Variants in AKAP13 observed in about 807,000 individuals in gnomAD.
AKAP13 encodes A-kinase anchoring protein 13.
Under a neutral mutation model 264.5 loss-of-function variants are expected in AKAP13, and 80 were observed. The ratio of observed to expected loss-of-function variants is 0.30; its 90% CI spans 0.25 to 0.36. The LOEUF is 0.36. Among genes scored for constraint, AKAP13 ranks in the 10% least tolerant of loss-of-function variants. The pLI is 1.00. For missense variants in AKAP13, 3,712 were observed against 3,435.2 expected (o/e 1.08, Z -2.01); for synonymous variants, 1,380 against 1,250.2 (o/e 1.10, Z -2.19).
At position 85,741,035 on chromosome 15, in the gene AKAP13, G is replaced by A. The variant is rs777579969; in HGVS notation, c.7609-11G>A. The A allele has an allele frequency of 6.3e-7, 1 of 1,595,546 alleles. No homozygotes were observed. The highest frequency in any genetic ancestry group is 8.6e-7 in the Non-Finnish European group (1 of 1,169,502). ...CCAGAGTTGCAGGGCTCCCCTCTGT[G>A]TGCCTCCCAGGGTGTGGTGCTGCAG... On this transcript the variant is annotated splice_polypyrimidine_tract_variant and intron_variant, in intron 34 of 36. Transcript: ENST00000394518.
chr15:85,648,725 G>T (rs1326793883), intron 10 of AKAP13, among the ~76,000 whole-genome samples: 1 of 152,106 alleles, frequency 6.6e-6, no homozygotes, highest in East Asian at 1.9e-4. Flanking sequence ...TGTGGTCCCA[G>T]CTATTCAGGA....
intron 5 of AKAP13, among the ~76,000 whole-genome samples, chr15:85,553,148 G>A (rs4843068): frequency 0.34 from 49,442 of 146,140 alleles, 8,471 homozygotes; most frequent in South Asian, 0.42. Context: ...GTGCAATGGC[G>A]CGATCTCAGC....
Position 85,607,911 on chromosome 15 carries a change from C to G in AKAP13, c.4161+22088C>G, listed in dbSNP as rs150021689. Among the ~76,000 whole-genome samples, 15 of 152,300 alleles carry G rather than the reference C, an allele frequency of 9.8e-5. No individual in the cohort carries two copies. In the East Asian group the frequency reaches 2.7e-3, roughly 27 times the overall value. Reference sequence around the variant, plus strand: ...AATATGAGTGAATGCCAAAATTAACCTGGCAGTAGTGTTGACAAATAGGCT... The same window carrying G: ...AATATGAGTGAATGCCAAAATTAACGTGGCAGTAGTGTTGACAAATAGGCT... On this transcript the variant is annotated intron_variant, in intron 8 of 36. Transcript: ENST00000394518.
intron 4 of AKAP13, 25 bp from the exon 5 acceptor site, chr15:85,543,747 C>A (rs553810742): frequency 2.5e-6 from 4 of 1,574,196 alleles, no homozygotes; most frequent in Non-Finnish European, 3.5e-6. Flanking sequence ...TCCTCACTTA[C>A]GTTCATTTTC....
At position 85,581,462 on chromosome 15, in the gene AKAP13, T is replaced by A; in HGVS notation, c.3394T>A (p.Leu1132Met). Residue 1132 changes from leucine (L) to methionine (M), a missense_variant, in exon 7 of 37, where the codon TTG becomes ATG. Transcript: ENST00000394518. ...CCAAGAGAAGAATGCCGTTCTAGGTTTGCCAGTGGCTCTACAGGACAAAGC... is the reference window on the plus strand; with the variant it reads ...CCAAGAGAAGAATGCCGTTCTAGGTATGCCAGTGGCTCTACAGGACAAAGC... ...LSQEKNAVLG[L>M]PVALQDKAVT... The A allele has an allele frequency of 6.2e-7, 1 of 1,614,166 alleles. No individual in the cohort carries two copies.
At chr15:85,620,647 AAGGAT>A (rs1235977486) in intron 8 of AKAP13, among the ~76,000 whole-genome samples, 3 of 152,010 alleles carry the variant, frequency 2.0e-5, no homozygotes, top group Admixed American at 6.6e-5. Context: ...TCTTTAGGGG[AAGGAT>A]AGGCAACATT....
chr15:85,636,860 CT>C (rs1368338656), intron 8 of AKAP13, among the ~76,000 whole-genome samples: 1 of 152,200 alleles, frequency 6.6e-6, no homozygotes, highest in African/African-American at 2.4e-5. Context: ...AGTGATCTGC[CT>C]GCCTTGGCTT....
intron 8 of AKAP13, among the ~76,000 whole-genome samples, chr15:85,610,952 C>T (rs962895313): frequency 1.3e-4 from 20 of 152,350 alleles, no homozygotes; most frequent in Non-Finnish European, 2.4e-4. Flanking sequence ...GCGCTCCAGC[C>T]TGGGCAACAA....
intron 1 of AKAP13, among the ~76,000 whole-genome samples, chr15:85,443,993 C>T (rs2073810361): frequency 6.6e-6 from 1 of 152,094 alleles, no homozygotes; most frequent in South Asian, 2.1e-4. Flanking sequence ...TATGTTTGTA[C>T]AGGAATTCAG....
intron 1 of AKAP13, among the ~76,000 whole-genome samples, chr15:85,454,989 T>C (rs148516508): frequency 5.6e-4 from 85 of 152,320 alleles, no homozygotes; most frequent in Non-Finnish European, 1.1e-3. Context: ...ATAGATTTCT[T>C]GTCTTCTGTG....
intron 2 of AKAP13, among the ~76,000 whole-genome samples, chr15:85,502,994 G>A (rs1332652660): frequency 1.3e-5 from 2 of 152,182 alleles, no homozygotes; most frequent in Admixed American, 6.5e-5. Flanking sequence ...TAGAGACATG[G>A]AGATTATGAA....
intron 1 of AKAP13, among the ~76,000 whole-genome samples, chr15:85,431,803 TA>T (rs1423439374): frequency 6.6e-6 from 1 of 152,192 alleles, no homozygotes; most frequent in African/African-American, 2.4e-5. Flanking sequence ...AATTAGATGG[TA>T]AAAAAATGAT....
chr15:85,420,665 G>A (rs1043838007), intron 1 of AKAP13, among the ~76,000 whole-genome samples: 3 of 152,100 alleles, frequency 2.0e-5, no homozygotes, highest in Non-Finnish European at 2.9e-5. Context: ...GACCATTTTC[G>A]AAGGAGGTCA....
chr15:85,613,700 A>C (rs1453731007), intron 8 of AKAP13, among the ~76,000 whole-genome samples: 1 of 121,362 alleles, frequency 8.2e-6, no homozygotes, highest in African/African-American at 3.0e-5. Context: ...AAATATATAT[A>C]TATATATATA....
intron 17 of AKAP13, among the ~76,000 whole-genome samples, chr15:85,698,402 T>C (rs1597098874): frequency 6.9e-6 from 1 of 144,504 alleles, no homozygotes; most frequent in Admixed American, 7.0e-5. Flanking sequence ...GAGACAGAGG[T>C]TGCAGTGAGC....
chr15:85,627,711 A>T (rs1175415980), intron 8 of AKAP13: 1 of 152,194 alleles, frequency 6.6e-6, no homozygotes, highest in Non-Finnish European at 1.5e-5. Context: ...TCAAAAGCAA[A>T]GGTCTTTAGC....
chr15:85,723,091 A>G lies in AKAP13; in HGVS notation c.6516A>G (p.Glu2172=). Residue 2172 remains glutamate (E), a synonymous_variant, in exon 26 of 37, where the codon GAA becomes GAG. Coordinates refer to ENST00000394518, the MANE Select transcript of AKAP13 (RefSeq NM_007200.5). ...QCTKDNEVEQ[E]DLAQSLSLVK... Reference sequence around the variant, plus strand: ...TCCAAGACAATGAAGTGGAGCAGGAAGATCTAGCACAGTCCTTGAGCCTGG... The same window carrying G: ...TCCAAGACAATGAAGTGGAGCAGGAGGATCTAGCACAGTCCTTGAGCCTGG... The G allele has an allele frequency of 6.2e-7, 1 of 1,613,682 alleles. No homozygotes were observed.
chr15:85,391,553 C>T (rs930652797), intron 1 of AKAP13, among the ~76,000 whole-genome samples: 13 of 150,456 alleles, frequency 8.6e-5, no homozygotes, highest in African/African-American at 2.5e-5. Context: ...GGCGCGATCT[C>T]GGCTCACTGC....
intron 17 of AKAP13, among the ~76,000 whole-genome samples, chr15:85,697,127 T>C (rs547120577): frequency 6.6e-6 from 1 of 152,322 alleles, no homozygotes; most frequent in African/African-American, 2.4e-5. Context: ...TCCATTGGGT[T>C]AGGTTGACAA....
Sources: allele counts gnomAD v4.1 joint callset (sites outside exome capture counted in the v4.1 genomes callset), GRCh38; gene constraint gnomAD v4.1.1; transcripts MANE v1.5; gene names NCBI Gene and HGNC (gene_info 2026-07-23, HGNC 2026-07-21).